Variants in JAG1 observed in about 807,000 individuals in gnomAD.
JAG1 encodes the protein protein jagged-1.
JAG1 carries 23 observed loss-of-function variants against 148.7 expected under a neutral mutation model. That is an observed-to-expected ratio of 0.15 (90% CI 0.11 to 0.22). The LOEUF is 0.22. Ranked by LOEUF, JAG1 falls within the 10% of genes least tolerant of loss-of-function variation. JAG1 has a pLI of 1.00. For synonymous variants in JAG1, 572 were observed against 598.3 expected, an observed-to-expected ratio of 0.96 and a Z score of 0.64; for missense variants, 1,054 against 1,611.2, an observed-to-expected ratio of 0.65 and a Z score of 5.92.
At chr20:10,660,584 C>G (rs1294074445) in intron 3 of JAG1, among the ~76,000 whole-genome samples, 1 of 152,178 alleles carries the variant, frequency 6.6e-6, no homozygotes, top group East Asian at 1.9e-4. Context: ...CTGATATGTA[C>G]TTTTCAGTCA....
At chr20:10,655,120 G>C (rs2067370153) in intron 5 of JAG1, among the ~76,000 whole-genome samples, 1 of 152,258 alleles carries the variant, frequency 6.6e-6, no homozygotes, top group African/African-American at 2.4e-5. Context: ...CTGAAGTGTA[G>C]GAAGAGACAA....
chr20:10,645,498 A>G lies in JAG1; in HGVS notation c.2000-29T>C. The G allele has an allele frequency of 6.4e-7, 1 of 1,571,386 alleles. No homozygotes were observed. The highest frequency in any genetic ancestry group is 1.1e-5 in the South Asian group (1 of 90,250). The stretch of plus-strand genomic sequence containing the variant: ...GAATCAAAGGGGAGACAATCGGCTG[A>G]AGACGAGATCCAGGACCATTCACGA... On this transcript the variant is annotated intron_variant, in intron 15 of 25. Transcript: ENST00000254958. This position sits in a 1 kb window ranked among gnomAD's most constrained non-coding sequence, Gnocchi z 6.1.
Position 10,645,027 on chromosome 20 carries a change from C to CA in JAG1, c.2228-49dup, listed in dbSNP as rs1272405595. ...ACCACCCTCCCTGAGTATCCAGAAA[C>CA]AGTCTGGAGGGGCAAGAACCAGGCC... is the stretch of plus-strand genomic sequence containing the variant. On this transcript the variant is annotated intron_variant, in intron 17 of 25. Transcript: ENST00000254958. The surrounding 1 kb of genome is among the most constrained non-coding windows in gnomAD (Gnocchi z 6.1). 2 of 1,540,284 alleles carry CA rather than the reference C, an allele frequency of 1.3e-6. No homozygotes were observed. Among genetic ancestry groups the CA allele is most frequent in the Non-Finnish European group, 1.8e-6 (2 of 1,112,654 alleles).
At chr20:10,665,369 A>G (rs2067446702) in intron 2 of JAG1, among the ~76,000 whole-genome samples, 1 of 152,230 alleles carries the variant, frequency 6.6e-6, no homozygotes, top group African/African-American at 2.4e-5. Flanking sequence ...TCGTTCACTG[A>G]TAACTGTGGG....
At chr20:10,670,517 A>C (rs1415952690) in intron 2 of JAG1, among the ~76,000 whole-genome samples, 2 of 152,306 alleles carry the variant, frequency 1.3e-5, no homozygotes, top group African/African-American at 4.8e-5. Flanking sequence ...ATACTCGCTC[A>C]GCTACTTAAG....
chr20:10,668,897 C>A (rs1211567962), intron 2 of JAG1, among the ~76,000 whole-genome samples: 2 of 152,198 alleles, frequency 1.3e-5, no homozygotes, highest in East Asian at 3.9e-4. Flanking sequence ...CTAAAAACAT[C>A]TTAAGTCCCT....
In JAG1 at chr20:10,637,927, G is replaced by GGCAAA. The variant is rs1443854506; in HGVS notation, c.*1566_*1570dup. On this transcript the variant is annotated 3_prime_UTR_variant, in exon 26 of 26. Transcript: ENST00000254958. Reference sequence around the variant, plus strand: ...ACTCAGCAGGGTGGCAGAAGCACATGGCAAAGCCGGTAGAACTACGTAAGC... The same window carrying GGCAAA: ...ACTCAGCAGGGTGGCAGAAGCACATGGCAAAGCAAAGCCGGTAGAACTACGTAAGC... 5.2e-5 allele frequency: 8 copies of GGCAAA among 152,606 alleles called. No homozygotes were observed. The highest frequency in any genetic ancestry group is 1.9e-4 in the African/African-American group (8 of 41,438). 9.5% of individuals were successfully genotyped at this position (152,606 alleles called of 1,614,324 possible). A position where few individuals can be genotyped will look rare whatever the true frequency, so the allele number is the denominator to read the frequency against.
In JAG1 at chr20:10,666,928, C is replaced by T. The variant is rs199510113; in HGVS notation, c.388-2914G>A. On this transcript the variant is annotated intron_variant, in intron 2 of 25. Transcript: ENST00000254958. ...CTGGGGCCCCTGCACCTCCTCCCGC[C>T]CTCCACACTTAGGCTGCTGTGCCAA... Among the ~76,000 whole-genome samples the T allele has an allele frequency of 6.6e-5, 10 of 152,370 alleles. No individual in the cohort carries two copies. The East Asian group carries it at 9.7e-4, about 15-fold the overall frequency.
chr20:10,641,179 A>C lies in JAG1; in HGVS notation c.2982T>G (p.Ala994=), dbSNP rs1340131717. The C allele has an allele frequency of 1.2e-6, 2 of 1,613,882 alleles. No homozygotes were observed. Among genetic ancestry groups the C allele is most frequent in the East Asian group, 2.2e-5 (1 of 44,902 alleles). Residue 994 remains alanine (A), a synonymous_variant, in exon 24 of 26, where the codon GCT becomes GCG. Transcript: ENST00000254958. ...RNLNILKNVS[A]EYSIYIACEP... ...CGCAAGCGATGTAGATTGAATATTC[A>C]GCGGAAACATTCTTCAAAATATTCA...
At chr20:10,657,262 A>G (rs942784160) in intron 4 of JAG1, among the ~76,000 whole-genome samples, 1 of 151,220 alleles carries the variant, frequency 6.6e-6, no homozygotes, top group Non-Finnish European at 1.5e-5. Context: ...TGGGAGGCTG[A>G]GGCAGGAGGA....
intron 4 of JAG1, 130 bp from the exon 5 acceptor site, chr20:10,656,588 T>C: frequency 1.3e-6 from 1 of 745,988 alleles, no homozygotes; most frequent in South Asian, 1.5e-5. Flanking sequence ...AAGTCCCTTG[T>C]AAGGAGAGGA....
intron 5 of JAG1, among the ~76,000 whole-genome samples, chr20:10,653,340 T>C (rs2067358811): frequency 6.7e-6 from 1 of 148,290 alleles, no homozygotes; most frequent in South Asian, 2.2e-4. Flanking sequence ...TTCTTTTATA[T>C]AAGCACCTTG....
chr20:10,640,250 C>T (rs2067261207), intron 25 of JAG1, among the ~76,000 whole-genome samples: 1 of 152,206 alleles, frequency 6.6e-6, no homozygotes, highest in Admixed American at 6.5e-5. Flanking sequence ...TTAAGTCTGG[C>T]TACTGAGGCA....
Position 10,650,300 on chromosome 20 carries a change from T to C in JAG1, c.1181A>G (p.Asn394Ser), listed in dbSNP as rs767973852. ...SHGGTCQDLV[N>S]GFKCVCPPQW... ...TGGGGGGCACACACACTTAAATCCG[T>C]TAACCAGGTCCTGGCAGGTGCCCCC... The change falls in exon 9 of 26, where the codon AAC (asparagine) becomes AGC (serine). Residue 394 changes from asparagine (N) to serine (S), a missense_variant. Coordinates refer to ENST00000254958, the MANE Select transcript of JAG1 (RefSeq NM_000214.3). 4.3e-6 allele frequency: 7 copies of C among 1,614,010 alleles called. No homozygotes were observed. Among genetic ancestry groups the C allele is most frequent in the Non-Finnish European group, 5.9e-6 (7 of 1,180,008 alleles).
chr20:10,642,152 TGAAAG>T lies in JAG1; in HGVS notation c.2573-265_2573-261del, dbSNP rs555775089. Among the ~76,000 whole-genome samples the T allele has an allele frequency of 2.1e-4, 32 of 152,256 alleles. 1 individual carries two copies. In the East Asian group the frequency reaches 6.0e-3, roughly 29 times the overall value. On this transcript the variant is annotated intron_variant, in intron 21 of 25. Coordinates refer to ENST00000254958, the MANE Select transcript of JAG1 (RefSeq NM_000214.3). The stretch of plus-strand genomic sequence containing the variant: ...CTCTTGCACACCTACCCACTGGCGA[TGAAAG>T]GAATATGCCCCAGACACAGCCACTG...
intron 2 of JAG1, among the ~76,000 whole-genome samples, chr20:10,665,731 A>T (rs996295059): frequency 2.6e-5 from 4 of 152,186 alleles, no homozygotes; most frequent in Admixed American, 6.5e-5. Context: ...GATTAAATGC[A>T]TTGATACCAG....
At chr20:10,665,669 AC>A (rs1482311401) in intron 2 of JAG1, among the ~76,000 whole-genome samples, 8 of 152,178 alleles carry the variant, frequency 5.3e-5, no homozygotes, top group Non-Finnish European at 1.0e-4. Context: ...TTTGCTGGTC[AC>A]GTTGAGGCCC....
At chr20:10,659,790 T>C (rs1394533992) in intron 3 of JAG1, among the ~76,000 whole-genome samples, 1 of 152,060 alleles carries the variant, frequency 6.6e-6, no homozygotes, top group Non-Finnish European at 1.5e-5. Context: ...AAATGCTTAC[T>C]GAGGATAATA....
At chr20:10,670,576 G>A (rs1338334609) in intron 2 of JAG1, among the ~76,000 whole-genome samples, 1 of 152,074 alleles carries the variant, frequency 6.6e-6, no homozygotes, top group African/African-American at 2.4e-5. Context: ...TGAAAGTTAC[G>A]GACTGTGCCG....
Sources: allele counts gnomAD v4.1 joint callset (sites outside exome capture counted in the v4.1 genomes callset), GRCh38; gene constraint gnomAD v4.1.1; non-coding constraint Gnocchi (gnomAD v3.1); transcripts MANE v1.5; gene names NCBI Gene and HGNC (gene_info 2026-07-23, HGNC 2026-07-21).